The following FRAS1 variants were observed in gnomAD, a reference collection of about 807,000 sequenced individuals.
FRAS1 encodes the protein Fraser extracellular matrix complex subunit 1, also known as extracellular matrix organizing protein FRAS1.
Under a neutral mutation model 435.2 loss-of-function variants are expected in FRAS1, and 290 were observed. That is an observed-to-expected ratio of 0.67 (90% CI 0.61 to 0.73). The LOEUF (loss-of-function observed/expected upper bound fraction) is 0.73. FRAS1 is among the 30% of genes least tolerant of loss of function. The pLI is 0.00. For missense variants in FRAS1, 4,860 were observed against 5,001.5 expected, an observed-to-expected ratio of 0.97 and a Z score of 0.85; for synonymous variants, 1,800 against 1,851.0, an observed-to-expected ratio of 0.97 and a Z score of 0.71.
At position 78,429,208 on chromosome 4, in the gene FRAS1, G is replaced by T; in HGVS notation, c.4825G>T (p.Gly1609Ter). ...AGCTCCACGGCTGGCGGTCAGCCCA[G>T]GAGGCAGCACTTCTGTAGGTAAGAA... ...VTAPRLAVSP[G>*]GSTSVGLQVV... Residue 1609 changes from glycine to a stop codon, truncating the protein, a stop_gained, in exon 36 of 74, where the codon GGA becomes TGA. Transcript: ENST00000512123. LOFTEE classifies it high-confidence loss of function. 6.2e-7 allele frequency: 1 copy of T among 1,607,766 alleles called. No homozygotes were observed. The highest frequency in any genetic ancestry group is 8.5e-7 in the Non-Finnish European group (1 of 1,177,440).
Position 78,432,522 on chromosome 4 carries a change from G to T in FRAS1, c.5135G>T (p.Arg1712Leu). 2 of 1,612,860 alleles carry T rather than the reference G, an allele frequency of 1.2e-6. No homozygotes were observed. Among genetic ancestry groups the T allele is most frequent in the African/African-American group, 1.3e-5 (1 of 75,052 alleles). The change falls in exon 38 of 74, where the codon CGA (arginine) becomes CTA (leucine). Residue 1712 changes from arginine to leucine, a missense_variant. Arg to Leu is a moderately radical substitution (Grantham distance 102). Transcript: ENST00000512123. ...TCCCTGTCAGAAGACCGAGGGCCTCGACTGGCTGCTGGCTCCTCTCTGAGC... is the reference window on the plus strand; with the variant it reads ...TCCCTGTCAGAAGACCGAGGGCCTCTACTGGCTGCTGGCTCCTCTCTGAGC... ...EVSLSEDRGP[R>L]LAAGSSLSIT...
intron 2 of FRAS1, among the ~76,000 whole-genome samples, chr4:78,087,854 G>A (rs1160710259): frequency 6.6e-6 from 1 of 152,134 alleles, no homozygotes; most frequent in Non-Finnish European, 1.5e-5. Context: ...TACTGCCCAA[G>A]GTAATTTATA....
rs1721417545 is a variant in FRAS1 at position 78,522,526 on chromosome 4, G to A, written c.10649-123G>A. ...TATTCTAAGGGGCAAAATGGGCTAA[G>A]CTTAGTTGTTTGAGAGAAGAACATT... On this transcript the variant is annotated intron_variant, in intron 68 of 73. Transcript: ENST00000512123. 1.4e-5 allele frequency: 12 copies of A among 851,966 alleles called. No homozygotes were observed. The South Asian group carries it at 1.7e-4, about 12-fold the overall frequency. The allele number at this position is 851,966 out of a possible 1,614,324, so 52.8% of individuals were successfully genotyped here. A position where few individuals can be genotyped will look rare whatever the true frequency, so the allele number is the denominator to read the frequency against.
rs185539043 is a variant in FRAS1, at chr4:78,524,349, T to G, written c.10808+1541T>G. Among the ~76,000 whole-genome samples the G allele has an allele frequency of 2.5e-3, 386 of 152,302 alleles. 2 individuals are homozygous for G. Among genetic ancestry groups the G allele is most frequent in the Middle Eastern group, 6.8e-3 (2 of 294 alleles). Reference sequence around the variant, plus strand: ...AAGAACCCCACCAAGCACTCCATGCTAAACACACTGTGAGAGATACAGGAT... The same window carrying G: ...AAGAACCCCACCAAGCACTCCATGCGAAACACACTGTGAGAGATACAGGAT... On this transcript the variant is annotated intron_variant, in intron 69 of 73. Coordinates refer to ENST00000512123, the MANE Select transcript of FRAS1 (RefSeq NM_025074.7).
At chr4:78,386,522 A>G (rs940066381) in intron 28 of FRAS1, among the ~76,000 whole-genome samples, 4 of 152,230 alleles carry the variant, frequency 2.6e-5, no homozygotes, top group African/African-American at 4.8e-5. Context: ...CCAGGAGGCC[A>G]GGAGGGTGCT....
At chr4:78,446,427 T>C (rs1451348761) in intron 42 of FRAS1, 1 of 1,151,926 alleles carries the variant, frequency 8.7e-7, no homozygotes. Flanking sequence ...TGTTAATACT[T>C]GTACTTGTCA....
chr4:78,284,651 T>A, intron 13 of FRAS1, 103 bp downstream of exon 13: 1 of 1,061,006 alleles, frequency 9.4e-7, no homozygotes, highest in Non-Finnish European at 1.3e-6. Context: ...AAGGAGGGGG[T>A]CATGCATGCA....
At chr4:78,532,416 G>A (rs72871393) in intron 70 of FRAS1, among the ~76,000 whole-genome samples, 2,783 of 152,208 alleles carry the variant, frequency 0.018, 85 homozygotes, top group African/African-American at 0.064. Context: ...TATTTAAGGT[G>A]TAAAACATTA....
At position 78,433,813 on chromosome 4, in the gene FRAS1, A is replaced by G. The variant is rs945100754; in HGVS notation, c.5217+1209A>G. ...CACCAGAGCTTGAAAAATGTTTCAC[A>G]GTCCAAAATAGCGCTCCAGGAGCAG... On this transcript the variant is annotated intron_variant, in intron 38 of 73. Coordinates refer to ENST00000512123, the MANE Select transcript of FRAS1 (RefSeq NM_025074.7). 2.0e-5 allele frequency among the ~76,000 whole-genome samples: 3 copies of G among 152,376 alleles called. No homozygotes were observed. In the South Asian group the frequency reaches 6.2e-4, roughly 32 times the overall value.
chr4:78,306,658 C>G (rs1297039009), intron 14 of FRAS1, among the ~76,000 whole-genome samples: 1 of 149,574 alleles, frequency 6.7e-6, no homozygotes, highest in African/African-American at 2.5e-5. Context: ...ATCGCATCGG[C>G]TCCTGAGGCT....
At chr4:78,446,273 GA>G in intron 42 of FRAS1, 1 of 1,006,462 alleles carries the variant, frequency 9.9e-7, no homozygotes, top group Non-Finnish European at 1.2e-6. Context: ...GTCAGTGGTG[GA>G]AAGGGGCTGG....
intron 4 of FRAS1, among the ~76,000 whole-genome samples, chr4:78,249,064 C>CATATATATAT (rs200267733): frequency 0.028 from 457 of 16,566 alleles, 46 homozygotes; most frequent in Middle Eastern, 0.1. Flanking sequence ...TATATATATG[C>CATATATATAT]ATATATATAT....
At chr4:78,204,631 C>T (rs6857654) in intron 2 of FRAS1, among the ~76,000 whole-genome samples, 149,228 of 152,344 alleles carry the variant, frequency 0.98, 73,161 homozygotes, top group Middle Eastern at 1. Flanking sequence ...TTATAAATCT[C>T]GCCCTGGCTT....
At chr4:78,066,601 C>T (rs912011892) in intron 2 of FRAS1, among the ~76,000 whole-genome samples, 1 of 152,192 alleles carries the variant, frequency 6.6e-6, no homozygotes, top group Non-Finnish European at 1.5e-5. Context: ...TACTAATGCA[C>T]TATGGTGCAT....
chr4:78,292,445 T>G (rs1727942120), intron 14 of FRAS1, among the ~76,000 whole-genome samples: 1 of 152,162 alleles, frequency 6.6e-6, no homozygotes, highest in African/African-American at 2.4e-5. Flanking sequence ...CTAGTTGAGA[T>G]TTAAAAGCTG....
chr4:78,435,115 G>C (rs114818077), intron 38 of FRAS1, among the ~76,000 whole-genome samples: 1 of 152,000 alleles, frequency 6.6e-6, no homozygotes, highest in Non-Finnish European at 1.5e-5. Context: ...AATCATCCAG[G>C]CATGTTAGCT....
chr4:78,114,751 A>C (rs1357633588), intron 2 of FRAS1, among the ~76,000 whole-genome samples: 2 of 152,226 alleles, frequency 1.3e-5, no homozygotes, highest in African/African-American at 4.8e-5. Flanking sequence ...GGTTTTCTAG[A>C]TATACAGTCA....
intron 2 of FRAS1, among the ~76,000 whole-genome samples, chr4:78,188,925 G>C (rs116701923): frequency 6.6e-6 from 1 of 152,192 alleles, no homozygotes; most frequent in Admixed American, 6.5e-5. Flanking sequence ...CATTATGGGT[G>C]AAAAACAGCT....
In FRAS1 at chr4:78,235,439, C is replaced by T. The variant is rs79353586; in HGVS notation, c.109-2071C>T. ...GAGCTTGGAAACTTATCTTACTCTT[C>T]CCTAAAGTATTTTAGTAGGACTCCA... On this transcript the variant is annotated intron_variant, in intron 2 of 73. Coordinates refer to ENST00000512123, the MANE Select transcript of FRAS1 (RefSeq NM_025074.7). Among the ~76,000 whole-genome samples the T allele has an allele frequency of 3.1e-3, 472 of 152,308 alleles. 2 individuals carry two copies. Among genetic ancestry groups the T allele is most frequent in the African/African-American group, 0.011 (465 of 41,576 alleles).
Sources: allele counts gnomAD v4.1 joint callset (sites outside exome capture counted in the v4.1 genomes callset), GRCh38; gene constraint gnomAD v4.1.1; transcripts MANE v1.5; gene names NCBI Gene and HGNC (gene_info 2026-07-23, HGNC 2026-07-21).